Variants in LRMDA observed in about 807,000 individuals in gnomAD.
LRMDA encodes the protein leucine-rich melanocyte differentiation-associated protein.
A neutral mutation model predicts 29.8 loss-of-function variants in LRMDA; 18 were observed. The ratio of observed to expected loss-of-function variants is 0.60; its 90% CI spans 0.42 to 0.90. The LOEUF (loss-of-function observed/expected upper bound fraction) is 0.90. Ranked by LOEUF, LRMDA falls within the 40% of genes least tolerant of loss-of-function variation. The pLI is 0.00. For synonymous variants in LRMDA, 125 were observed against 109.4 expected, an observed-to-expected ratio of 1.14 and a Z score of -0.89; for missense variants, 273 against 273.9, an observed-to-expected ratio of 1.00 and a Z score of 0.02.
In LRMDA at chr10:76,542,054, C is replaced by CGTGTGTGTGTGTGTGT. The variant is rs34637437; in HGVS notation, c.602-15144_602-15129dup. On this transcript the variant is annotated intron_variant, in intron 6 of 6. Transcript: ENST00000611255. ...ACATGCATGCATGTAGGTGTGTGCA[C>CGTGTGTGTGTGTGTGT]GTGTGTGTGTGTGTGTGTGTGTGTG... Among the ~76,000 whole-genome samples the CGTGTGTGTGTGTGTGT allele has an allele frequency of 9.1e-3, 1,361 of 150,254 alleles. 26 individuals carry two copies. Among genetic ancestry groups the CGTGTGTGTGTGTGTGT allele is most frequent in the African/African-American group, 0.031 (1,277 of 40,948 alleles).
chr10:76,327,070 G>C (rs1481612953), intron 6 of LRMDA, among the ~76,000 whole-genome samples: 1 of 151,040 alleles, frequency 6.6e-6, no homozygotes, highest in Non-Finnish European at 1.5e-5. Context: ...CTCCCTGAGA[G>C]GCAGCAGTAA....
chr10:76,520,352 T>G (rs2132360656), intron 6 of LRMDA, among the ~76,000 whole-genome samples: 1 of 152,220 alleles, frequency 6.6e-6, no homozygotes, highest in East Asian at 1.9e-4. Flanking sequence ...CTGATTATTC[T>G]TTTTTCTTTT....
chr10:75,955,138 T>C (rs1846642824), intron 2 of LRMDA, among the ~76,000 whole-genome samples: 1 of 152,164 alleles, frequency 6.6e-6, no homozygotes, highest in Admixed American at 6.5e-5. Flanking sequence ...ATATTACACA[T>C]TGGTTATCTT....
chr10:75,734,491 C>T (rs2132202663), intron 2 of LRMDA, among the ~76,000 whole-genome samples: 1 of 152,168 alleles, frequency 6.6e-6, no homozygotes, highest in East Asian at 1.9e-4. Context: ...TAGACTAGAC[C>T]TTTCATTTCC....
intron 2 of LRMDA, among the ~76,000 whole-genome samples, chr10:76,004,356 A>G (rs2132471977): frequency 6.6e-6 from 1 of 152,338 alleles, no homozygotes; most frequent in Admixed American, 6.5e-5. Context: ...TTTGCCTCCT[A>G]TGTAGAGTGA....
At chr10:76,257,535 T>C (rs896650166) in intron 5 of LRMDA, among the ~76,000 whole-genome samples, 4 of 152,062 alleles carry the variant, frequency 2.6e-5, no homozygotes, top group African/African-American at 4.8e-5. Flanking sequence ...AGTTTCACCA[T>C]GTTGGCCAGG....
intron 2 of LRMDA, among the ~76,000 whole-genome samples, chr10:75,559,497 A>G (rs1290055928): frequency 1.3e-5 from 2 of 151,380 alleles, no homozygotes; most frequent in East Asian, 3.9e-4. Context: ...GTTCACTCTG[A>G]TGGTAGTTTG....
intron 2 of LRMDA, among the ~76,000 whole-genome samples, chr10:75,865,757 AT>A (rs930195910): frequency 5.4e-5 from 8 of 149,496 alleles, no homozygotes; most frequent in Non-Finnish European, 7.4e-5. Context: ...TTCTTGGCTA[AT>A]TTTTTTTTTG....
intron 5 of LRMDA, among the ~76,000 whole-genome samples, chr10:76,295,725 A>C (rs912404079): frequency 1.3e-5 from 2 of 152,114 alleles, no homozygotes; most frequent in Non-Finnish European, 2.9e-5. Flanking sequence ...TGCTTAAGCT[A>C]TCTCTGCCCC....
chr10:76,495,591 A>G (rs1390549067), intron 6 of LRMDA, among the ~76,000 whole-genome samples: 3 of 151,860 alleles, frequency 2.0e-5, no homozygotes, highest in East Asian at 3.9e-4. Context: ...TTATTCAACA[A>G]TTCCACAGTA....
intron 2 of LRMDA, among the ~76,000 whole-genome samples, chr10:75,785,696 A>G (rs1843460472): frequency 6.6e-6 from 1 of 152,232 alleles, no homozygotes; most frequent in African/African-American, 2.4e-5. Flanking sequence ...GAAGATCTGA[A>G]ACAAGGTATT....
intron 5 of LRMDA, among the ~76,000 whole-genome samples, chr10:76,168,031 G>T (rs751376896): frequency 6.6e-6 from 1 of 151,970 alleles, no homozygotes; most frequent in Non-Finnish European, 1.5e-5. Flanking sequence ...GAATGGGATT[G>T]TAGGGAATCC....
intron 2 of LRMDA, among the ~76,000 whole-genome samples, chr10:75,886,615 T>A (rs61557760): frequency 0.017 from 2,630 of 152,330 alleles, 81 homozygotes; most frequent in African/African-American, 0.06. Context: ...TGAGTTATAA[T>A]CTGTGTGACA....
At chr10:76,321,045 T>C (rs1840764467) in intron 5 of LRMDA, among the ~76,000 whole-genome samples, 1 of 148,274 alleles carries the variant, frequency 6.7e-6, no homozygotes, top group Non-Finnish European at 1.5e-5. Context: ...CTAAATATTA[T>C]TCTGTCTTAC....
At chr10:76,456,086 T>C (rs1486945868) in intron 6 of LRMDA, among the ~76,000 whole-genome samples, 2 of 152,172 alleles carry the variant, frequency 1.3e-5, no homozygotes, top group African/African-American at 4.8e-5. Context: ...AACATCCCCT[T>C]GCATAGCATC....
At chr10:76,181,768 A>G (rs1564677282) in intron 5 of LRMDA, among the ~76,000 whole-genome samples, 1 of 152,252 alleles carries the variant, frequency 6.6e-6, no homozygotes, top group Admixed American at 6.5e-5. Flanking sequence ...AGGCAAAACC[A>G]TCTTGACTGA....
At chr10:75,719,583 G>A (rs1842541547) in intron 2 of LRMDA, among the ~76,000 whole-genome samples, 1 of 152,188 alleles carries the variant, frequency 6.6e-6, no homozygotes, top group Non-Finnish European at 1.5e-5. Context: ...TTTCCCTAGA[G>A]TTGGTCATGT....
intron 5 of LRMDA, among the ~76,000 whole-genome samples, chr10:76,212,270 A>ACACACAT (rs1564687628): frequency 5.5e-4 from 68 of 123,274 alleles, no homozygotes; most frequent in African/African-American, 1.9e-3. Flanking sequence ...CACACACATA[A>ACACACAT]AAAAAAAAAA....
At chr10:76,224,444 C>T (rs957394764) in intron 5 of LRMDA, among the ~76,000 whole-genome samples, 1 of 151,858 alleles carries the variant, frequency 6.6e-6, no homozygotes, top group Non-Finnish European at 1.5e-5. Flanking sequence ...TGGTAGCATG[C>T]ACCTGTGGTC....
Sources: gnomAD v4.1 joint callset for allele counts (sites outside exome capture counted in the v4.1 genomes callset) on GRCh38, gnomAD v4.1.1 for gene constraint, MANE v1.5 for transcripts, NCBI Gene and HGNC (gene_info 2026-07-23, HGNC 2026-07-21) for gene names.